CNOT2: variants seen among roughly 807,000 people sequenced by gnomAD.
CNOT2 encodes the protein CC chemokine receptor 4-negative regulator of transcription 2.
A neutral mutation model predicts 72.1 loss-of-function variants in CNOT2; 7 were observed. The ratio of observed to expected loss-of-function variants is 0.10; its 90% CI spans 0.06 to 0.18. The LOEUF (loss-of-function observed/expected upper bound fraction) is 0.18, where lower values mean the gene tolerates loss of function less well. Ranked by LOEUF, CNOT2 falls within the 10% of genes least tolerant of loss-of-function variation. The pLI, the probability that CNOT2 is intolerant of heterozygous loss-of-function variation, is 1.00. For missense variants in CNOT2, 345 were observed against 660.3 expected, an observed-to-expected ratio of 0.52 and a Z score of 5.23; for synonymous variants, 196 against 225.6, an observed-to-expected ratio of 0.87 and a Z score of 1.17.
rs1159199480 is a variant in CNOT2, at chr12:70,339,089, TATAC to T, written c.1178+269_1178+272del. ...ATATGTGTGTGTGTATATATATATA[TATAC>T]ACACACACACACACACACACCTTCC... On this transcript the variant is annotated intron_variant, in intron 11 of 15. Transcript: ENST00000229195. 1.6e-3 allele frequency among the ~76,000 whole-genome samples: 209 copies of T among 132,626 alleles called. 2 individuals carry two copies. The highest frequency in any genetic ancestry group is 6.1e-3 in the African/African-American group (195 of 31,948). 87.0% of individuals were successfully genotyped at this position (132,626 alleles called of 152,430 possible). A position where few individuals can be genotyped will look rare whatever the true frequency, so the allele number is the denominator to read the frequency against.
chr12:70,320,164 A>C (rs1226212943), intron 4 of CNOT2, among the ~76,000 whole-genome samples: 1 of 151,674 alleles, frequency 6.6e-6, no homozygotes, highest in Non-Finnish European at 1.5e-5. Flanking sequence ...AAGGGAATTA[A>C]AAGTGTTATA....
intron 15 of CNOT2, among the ~76,000 whole-genome samples, chr12:70,353,137 A>G (rs1012700483): frequency 2.0e-5 from 3 of 150,392 alleles, no homozygotes; most frequent in African/African-American, 7.4e-5. Flanking sequence ...CAGTGGTGCA[A>G]TCTTGGCTCA....
chr12:70,261,941 CTG>C (rs935328694), intron 1 of CNOT2, among the ~76,000 whole-genome samples: 3 of 151,398 alleles, frequency 2.0e-5, no homozygotes, highest in Non-Finnish European at 4.4e-5. Context: ...TTTTGATAGT[CTG>C]TGACTTTGTA....
At chr12:70,245,669 T>G (rs1957845027) in intron 1 of CNOT2, among the ~76,000 whole-genome samples, 1 of 152,146 alleles carries the variant, frequency 6.6e-6, no homozygotes, top group African/African-American at 2.4e-5. Flanking sequence ...GTGATTTATA[T>G]CCCCAAGTAC....
chr12:70,351,123 T>TC (rs1476809444), intron 15 of CNOT2, among the ~76,000 whole-genome samples: 1 of 152,196 alleles, frequency 6.6e-6, no homozygotes, highest in African/African-American at 2.4e-5. Flanking sequence ...TCCTTTTTTT[T>TC]CCACTAAAAG....
At chr12:70,331,523 A>AT (rs1356310226) in intron 6 of CNOT2, 1 of 151,794 alleles carries the variant, frequency 6.6e-6, no homozygotes, top group Admixed American at 6.6e-5. Context: ...TGTTTTTAAA[A>AT]TACACTTTGC....
intron 4 of CNOT2, among the ~76,000 whole-genome samples, chr12:70,325,602 A>T (rs887318158): frequency 2.6e-5 from 4 of 151,906 alleles, no homozygotes; most frequent in Admixed American, 6.6e-5. Context: ...AGTCTTTTCT[A>T]TTCTAAAATA....
At chr12:70,292,402 G>T (rs1224622307) in intron 2 of CNOT2, among the ~76,000 whole-genome samples, 2 of 152,144 alleles carry the variant, frequency 1.3e-5, no homozygotes, top group East Asian at 3.8e-4. Context: ...GTAAGGGGTG[G>T]GGGACAAAGT....
At chr12:70,289,825 G>A (rs1871562873) in intron 2 of CNOT2, among the ~76,000 whole-genome samples, 1 of 151,648 alleles carries the variant, frequency 6.6e-6, no homozygotes, top group African/African-American at 2.4e-5. Flanking sequence ...TCTATTGAGT[G>A]TTGGTTTTTT....
At chr12:70,328,718 TA>T (rs200104483) in intron 4 of CNOT2, among the ~76,000 whole-genome samples, 137 of 143,246 alleles carry the variant, frequency 9.6e-4, no homozygotes, top group Middle Eastern at 3.5e-3. Flanking sequence ...TAGCAGTCTT[TA>T]AAAAAAAAAA....
chr12:70,264,021 C>G (rs562347320), intron 1 of CNOT2, among the ~76,000 whole-genome samples: 44 of 152,280 alleles, frequency 2.9e-4, no homozygotes, highest in African/African-American at 1.0e-3. Context: ...CTGTTAAAAC[C>G]TCTGCTTCTG....
chr12:70,299,260 A>T (rs1306916232), intron 2 of CNOT2, among the ~76,000 whole-genome samples: 65 of 152,150 alleles, frequency 4.3e-4, no homozygotes, highest in African/African-American at 1.5e-3. Context: ...TTTAAGGTAC[A>T]TGTGCACAAC....
At chr12:70,303,167 T>A (rs1874431666) in intron 2 of CNOT2, among the ~76,000 whole-genome samples, 2 of 152,252 alleles carry the variant, frequency 1.3e-5, no homozygotes, top group Admixed American at 1.3e-4. Flanking sequence ...TGACTCTTTA[T>A]CCAATTTGCC....
At chr12:70,282,339 A>T (rs1870016684) in intron 2 of CNOT2, among the ~76,000 whole-genome samples, 1 of 152,196 alleles carries the variant, frequency 6.6e-6, no homozygotes, top group South Asian at 2.1e-4. Flanking sequence ...TACGTTTCTG[A>T]AGAATGATTC....
chr12:70,348,576 A>G (rs1191430034), intron 15 of CNOT2, among the ~76,000 whole-genome samples: 1 of 152,254 alleles, frequency 6.6e-6, no homozygotes, highest in African/African-American at 2.4e-5. Flanking sequence ...TATTATTGTA[A>G]ATTATTCCAA....
At chr12:70,279,043 T>TAA (rs1475989051) in intron 2 of CNOT2, among the ~76,000 whole-genome samples, 1 of 152,232 alleles carries the variant, frequency 6.6e-6, no homozygotes, top group Non-Finnish European at 1.5e-5. Context: ...CAGAATACTT[T>TAA]AAAGTTTGAG....
At chr12:70,344,932 A>G (rs1881973876) in intron 14 of CNOT2, 1 of 152,220 alleles carries the variant, frequency 6.6e-6, no homozygotes, top group Non-Finnish European at 1.5e-5. Context: ...GGCAGTGTGC[A>G]TATTTGTTGT....
At chr12:70,322,367 CA>C (rs1400174693) in intron 4 of CNOT2, 1 of 151,744 alleles carries the variant, frequency 6.6e-6, no homozygotes, top group Admixed American at 6.6e-5. Flanking sequence ...TTAGAATCAA[CA>C]GGGAACCAGG....
At chr12:70,305,180 G>A (rs532149727) in intron 2 of CNOT2, among the ~76,000 whole-genome samples, 10 of 152,274 alleles carry the variant, frequency 6.6e-5, no homozygotes, top group East Asian at 5.8e-4. Flanking sequence ...CCACTGTCCC[G>A]CACCCACTGT....
Sources: gnomAD v4.1 joint callset for allele counts (sites outside exome capture counted in the v4.1 genomes callset) on GRCh38, gnomAD v4.1.1 for gene constraint, MANE v1.5 for transcripts, NCBI Gene and HGNC (gene_info 2026-07-23, HGNC 2026-07-21) for gene names.